CPED1: variants seen among roughly 807,000 people sequenced by gnomAD.
CPED1 encodes the protein cadherin-like and PC-esterase domain-containing protein 1.
In CPED1, 114 loss-of-function variants were observed where a neutral mutation model predicts 128.2. The ratio of observed to expected loss-of-function variants is 0.89; its 90% CI spans 0.76 to 1.04. The LOEUF (loss-of-function observed/expected upper bound fraction) is 1.04. Among genes scored for constraint, CPED1 ranks in the 50% least tolerant of loss-of-function variants. The probability of loss-of-function intolerance (pLI) is 0.00; values close to 1 mark genes in which losing one functional copy is unlikely to be tolerated. For missense variants in CPED1, 1,211 were observed against 1,207.1 expected, an observed-to-expected ratio of 1.00 and a Z score of -0.05; for synonymous variants, 462 against 426.7, an observed-to-expected ratio of 1.08 and a Z score of -1.02.
Position 121,137,012 on chromosome 7 carries a change from A to AAT in CPED1, c.1699+932_1699+933dup, listed in dbSNP as rs1253082346. On this transcript the variant is annotated intron_variant, in intron 14 of 22. Coordinates refer to ENST00000310396, the MANE Select transcript of CPED1 (RefSeq NM_024913.5). ...TTTTTCTTGATAATGTATACCTTAA[A>AAT]ATATATATATACGTGTGTGTATGTA... Among the ~76,000 whole-genome samples, 13 of 151,906 alleles carry AAT rather than the reference A, an allele frequency of 8.6e-5. No homozygotes were observed. The East Asian group carries it at 2.3e-3, about 27-fold the overall frequency.
intron 4 of CPED1, among the ~76,000 whole-genome samples, chr7:121,059,243 T>C (rs1392356837): frequency 1.3e-5 from 2 of 152,220 alleles, no homozygotes; most frequent in South Asian, 2.1e-4. Context: ...ATAGGAGTAC[T>C]GAGAACTACC....
At chr7:121,027,459 A>G (rs573617092) in intron 3 of CPED1, among the ~76,000 whole-genome samples, 1 of 152,242 alleles carries the variant, frequency 6.6e-6, no homozygotes, top group South Asian at 2.1e-4. Flanking sequence ...ACCCACAAAT[A>G]CACTAATAAA....
At chr7:121,057,225 G>A (rs1204185083) in intron 4 of CPED1, among the ~76,000 whole-genome samples, 3 of 152,120 alleles carry the variant, frequency 2.0e-5, no homozygotes, top group African/African-American at 7.2e-5. Flanking sequence ...TGATCCACCT[G>A]CCTCAGCCTC....
At chr7:121,012,061 A>G (rs1792174296) in intron 2 of CPED1, among the ~76,000 whole-genome samples, 1 of 152,210 alleles carries the variant, frequency 6.6e-6, no homozygotes, top group African/African-American at 2.4e-5. Flanking sequence ...ATGTGTGTAG[A>G]TTAATTAATT....
chr7:121,262,705 T>C (rs936880149), intron 18 of CPED1, among the ~76,000 whole-genome samples: 2 of 152,074 alleles, frequency 1.3e-5, no homozygotes, highest in African/African-American at 4.8e-5. Flanking sequence ...CAGAAGTTCT[T>C]CCTCAAAACA....
At chr7:121,202,862 C>A (rs1183298217) in intron 16 of CPED1, among the ~76,000 whole-genome samples, 2 of 152,112 alleles carry the variant, frequency 1.3e-5, no homozygotes, top group African/African-American at 2.4e-5. Flanking sequence ...AATGCTATAA[C>A]CCAGGTCTTC....
At chr7:120,996,961 A>T (rs969554584) in intron 2 of CPED1, among the ~76,000 whole-genome samples, 15 of 152,214 alleles carry the variant, frequency 9.9e-5, no homozygotes, top group African/African-American at 3.6e-4. Flanking sequence ...ATGTTCCAAC[A>T]TACTTTTCCA....
At chr7:121,118,574 CAGAG>C (rs374040157) in intron 7 of CPED1, among the ~76,000 whole-genome samples, 3,676 of 139,908 alleles carry the variant, frequency 0.026, 135 homozygotes, top group African/African-American at 0.089. Context: ...AAAAAAAAAA[CAGAG>C]AGAGAAAGAA....
At chr7:121,266,175 T>G (rs1216715095) in intron 18 of CPED1, 52 bp from the exon 19 acceptor site, 7 of 1,373,766 alleles carry the variant, frequency 5.1e-6, no homozygotes, top group Non-Finnish European at 7.3e-6. Context: ...AACTATCTCC[T>G]GTACCATGTA....
At chr7:121,142,542 A>G (rs968370790) in intron 16 of CPED1, among the ~76,000 whole-genome samples, 2 of 152,088 alleles carry the variant, frequency 1.3e-5, no homozygotes, top group Admixed American at 1.3e-4. Flanking sequence ...AGGAAAATTT[A>G]TGAAGCTATT....
intron 15 of CPED1, among the ~76,000 whole-genome samples, chr7:121,141,639 G>C (rs1795906259): frequency 1.3e-5 from 2 of 151,988 alleles, no homozygotes; most frequent in African/African-American, 4.8e-5. Context: ...GTGTTTACCA[G>C]TTCTAGGTCA....
intron 5 of CPED1, among the ~76,000 whole-genome samples, chr7:121,072,059 T>C (rs759555160): frequency 8.5e-5 from 13 of 152,070 alleles, no homozygotes; most frequent in Non-Finnish European, 1.6e-4. Flanking sequence ...TTTTAAATCA[T>C]AATTTCTTTG....
intron 16 of CPED1, among the ~76,000 whole-genome samples, chr7:121,145,251 A>G (rs916366389): frequency 1.3e-5 from 2 of 152,020 alleles, no homozygotes; most frequent in Non-Finnish European, 2.9e-5. Flanking sequence ...CGTTTCTCCA[A>G]TGTTGTATTG....
chr7:121,208,716 T>G (rs1175725899), intron 16 of CPED1, among the ~76,000 whole-genome samples: 2 of 152,012 alleles, frequency 1.3e-5, no homozygotes, highest in African/African-American at 4.8e-5. Context: ...TCACAATGAC[T>G]CTGGTTTCCA....
intron 18 of CPED1, among the ~76,000 whole-genome samples, chr7:121,256,111 C>CAAAAAAAAAAAAAAAAAA (rs1286167648): frequency 8.8e-5 from 3 of 34,150 alleles, no homozygotes; most frequent in African/African-American, 2.2e-4. Flanking sequence ...CAATCCTAAG[C>CAAAAAAAAAAAAAAAAAA]AAAAAAAAAA....
intron 4 of CPED1, among the ~76,000 whole-genome samples, chr7:121,053,489 T>C (rs1192365567): frequency 6.6e-6 from 1 of 152,254 alleles, no homozygotes; most frequent in African/African-American, 2.4e-5. Context: ...GGGCATATGA[T>C]GTCCTTGTCT....
At chr7:121,207,920 ATAAC>A in intron 16 of CPED1, among the ~76,000 whole-genome samples, 1 of 151,952 alleles carries the variant, frequency 6.6e-6, no homozygotes, top group Non-Finnish European at 1.5e-5. Flanking sequence ...TTCAGTGCTC[ATAAC>A]TTCCTTTTAC....
chr7:121,042,283 A>G (rs989507706), intron 3 of CPED1, among the ~76,000 whole-genome samples: 2 of 152,162 alleles, frequency 1.3e-5, no homozygotes, highest in Non-Finnish European at 1.5e-5. Flanking sequence ...TATTGCCAAT[A>G]GTATGATGGG....
intron 17 of CPED1, among the ~76,000 whole-genome samples, chr7:121,239,152 G>A (rs1361236676): frequency 6.6e-6 from 1 of 152,166 alleles, no homozygotes; most frequent in Non-Finnish European, 1.5e-5. Flanking sequence ...ACAAAATTGG[G>A]AGAAAGTTGA....
Sources: allele counts gnomAD v4.1 joint callset (sites outside exome capture counted in the v4.1 genomes callset), GRCh38; gene constraint gnomAD v4.1.1; transcripts MANE v1.5; gene names NCBI Gene and HGNC (gene_info 2026-07-23, HGNC 2026-07-21).